Variants in MAGI2 observed in about 807,000 individuals in gnomAD.
The protein encoded by MAGI2 is membrane associated guanylate kinase, WW and PDZ domain containing 2, also known as membrane-associated guanylate kinase, WW and PDZ domain-containing protein 2.
Under a neutral mutation model 133.3 loss-of-function variants are expected in MAGI2, and 35 were observed. That is an observed-to-expected ratio of 0.26 (90% confidence interval 0.20 to 0.35). The LOEUF (loss-of-function observed/expected upper bound fraction) is 0.35. Among genes scored for constraint, MAGI2 ranks in the 10% least tolerant of loss-of-function variants. The pLI, the probability that MAGI2 is intolerant of heterozygous loss-of-function variation, is 1.00. For synonymous variants in MAGI2, 729 were observed against 710.6 expected (o/e 1.03, Z -0.41); for missense variants, 1,636 against 1,863.4 (o/e 0.88, Z 2.25).
At chr7:79,081,159 C>T (rs1199042454) in intron 1 of MAGI2, among the ~76,000 whole-genome samples, 1 of 152,114 alleles carries the variant, frequency 6.6e-6, no homozygotes. Flanking sequence ...ATGTATCAAT[C>T]TCCTTCTAAT....
rs1280151004 is a variant in MAGI2 at position 78,501,772 on chromosome 7, T to A, written c.770A>T (p.Glu257Val). 3 of 1,613,606 alleles carry A rather than the reference T, an allele frequency of 1.9e-6. No individual in the cohort carries two copies. Among genetic ancestry groups the A allele is most frequent in the Non-Finnish European group, 2.5e-6 (3 of 1,179,948 alleles). The change falls in exon 5 of 22, where the codon GAA (glutamate) becomes GTA (valine). Residue 257 changes from glutamate to valine, a missense_variant. Glu to Val is a moderately radical substitution (Grantham distance 121). This residue lies in a region of MAGI2 where 165 missense variants were observed against 128.4 expected (regional missense o/e 1.28). Transcript: ENST00000354212. ...CCCTGAGGCACCTGCACTTTTGTCT[T>A]CATGTTCACTGGATTCTATAAGAGA... ...VVVTPESSEH[E>V]DKSAGASGEM...
intron 21 of MAGI2, 135 bp downstream of exon 21, chr7:78,078,812 G>A (rs112512171): frequency 0.041 from 23,999 of 587,390 alleles, 488 homozygotes; most frequent in Non-Finnish European, 0.052. Flanking sequence ...GTGTGTGTGT[G>A]TATATATATA....
chr7:78,022,936 C>T (rs745802116), intron 21 of MAGI2, among the ~76,000 whole-genome samples: 12 of 152,268 alleles, frequency 7.9e-5, no homozygotes, highest in Admixed American at 3.9e-4. Flanking sequence ...CTAAAATGTT[C>T]CAAGTCACTA....
Position 78,113,408 on chromosome 7 carries a change from T to C in MAGI2, c.3567+12286A>G, listed in dbSNP as rs1819551013. On this transcript the variant is annotated intron_variant, in intron 20 of 21. Coordinates refer to ENST00000354212, the MANE Select transcript of MAGI2 (RefSeq NM_012301.4). ...TTAAAAGATGCTCTCCGTACCTCTG[T>C]GCTGAGTAGTGAGTACAGTCGTGCA... Among the ~76,000 whole-genome samples the C allele has an allele frequency of 2.0e-5, 3 of 152,184 alleles. No individual in the cohort carries two copies. The South Asian group carries it at 6.2e-4, about 31-fold the overall frequency.
intron 2 of MAGI2, among the ~76,000 whole-genome samples, chr7:78,877,212 T>G (rs1795497854): frequency 6.6e-6 from 1 of 152,246 alleles, no homozygotes; most frequent in African/African-American, 2.4e-5. Context: ...GTTTCTTCAT[T>G]GCTCCAAGCT....
intron 6 of MAGI2, among the ~76,000 whole-genome samples, chr7:78,380,611 G>C (rs1794835455): frequency 6.6e-6 from 1 of 152,066 alleles, no homozygotes; most frequent in South Asian, 2.1e-4. Context: ...GGGTAGCAGA[G>C]GAAGGGGGGA....
intron 1 of MAGI2, among the ~76,000 whole-genome samples, chr7:79,190,355 T>G (rs889673282): frequency 6.6e-6 from 1 of 151,902 alleles, no homozygotes; most frequent in African/African-American, 2.4e-5. Flanking sequence ...CATATCAACT[T>G]GTAATTTCCT....
rs1414752666 is a variant in MAGI2 at position 79,007,221 on chromosome 7, A to T, written c.302-15T>A. On this transcript the variant is annotated splice_polypyrimidine_tract_variant and intron_variant, in intron 1 of 21. Coordinates refer to ENST00000354212, the MANE Select transcript of MAGI2 (RefSeq NM_012301.4). ...AACAATTCCTCCTAAAAATAAAAAAAGTTTCTTGGTAAGGGATGTTGGAAA... is the reference window on the plus strand; with the variant it reads ...AACAATTCCTCCTAAAAATAAAAAATGTTTCTTGGTAAGGGATGTTGGAAA... The T allele has an allele frequency of 2.6e-6, 4 of 1,519,368 alleles. No individual in the cohort carries two copies. The highest frequency in any genetic ancestry group is 3.6e-6 in the Non-Finnish European group (4 of 1,102,416). 94.1% of individuals were successfully genotyped at this position (1,519,368 alleles called of 1,614,324 possible).
chr7:78,822,122 A>C (rs954381581), intron 2 of MAGI2, among the ~76,000 whole-genome samples: 2 of 152,094 alleles, frequency 1.3e-5, no homozygotes, highest in East Asian at 3.9e-4. Context: ...ACTGTATAAC[A>C]AAAGATTTAA....
intron 2 of MAGI2, among the ~76,000 whole-genome samples, chr7:78,941,384 T>G (rs912976990): frequency 6.6e-6 from 1 of 152,146 alleles, no homozygotes; most frequent in Non-Finnish European, 1.5e-5. Context: ...GAGTCTCAGT[T>G]TGTCACCCAG....
intron 1 of MAGI2, among the ~76,000 whole-genome samples, chr7:79,288,632 T>C (rs1025750893): frequency 1.3e-5 from 2 of 152,116 alleles, no homozygotes; most frequent in African/African-American, 4.8e-5. Context: ...CTGGTAACTA[T>C]CCGTAAGATT....
intron 1 of MAGI2, among the ~76,000 whole-genome samples, chr7:79,304,181 A>ATGTGTGTGTG (rs373644525): frequency 0.11 from 15,322 of 142,106 alleles, 1,148 homozygotes; most frequent in East Asian, 0.26. Context: ...TTCAACTGGG[A>ATGTGTGTGTG]TGTGTGTGTG....
intron 1 of MAGI2, among the ~76,000 whole-genome samples, chr7:79,328,785 C>T (rs1839873064): frequency 6.6e-6 from 1 of 152,116 alleles, no homozygotes; most frequent in Non-Finnish European, 1.5e-5. Flanking sequence ...TTTCTTCTCT[C>T]TCTCTCTATT....
intron 2 of MAGI2, among the ~76,000 whole-genome samples, chr7:78,979,512 C>T (rs1197077987): frequency 6.6e-6 from 1 of 151,818 alleles, no homozygotes; most frequent in Non-Finnish European, 1.5e-5. Flanking sequence ...TCTCCCTGAG[C>T]TGGGGGTTTC....
At chr7:78,804,124 A>C (rs1301119821) in intron 2 of MAGI2, among the ~76,000 whole-genome samples, 4 of 152,226 alleles carry the variant, frequency 2.6e-5, no homozygotes, top group African/African-American at 9.6e-5. Flanking sequence ...TATTAAATCC[A>C]TTATTTAGAT....
intron 9 of MAGI2, among the ~76,000 whole-genome samples, chr7:78,331,957 C>T (rs555631862): frequency 6.6e-5 from 10 of 152,208 alleles, no homozygotes; most frequent in Non-Finnish European, 1.2e-4. Flanking sequence ...GTAAAATCAT[C>T]ATGCATATCA....
chr7:79,362,799 T>C (rs1313660341), intron 1 of MAGI2, among the ~76,000 whole-genome samples: 5 of 152,010 alleles, frequency 3.3e-5, no homozygotes, highest in African/African-American at 1.2e-4. Context: ...GGGAAATATC[T>C]TGACTTGCTT....
At chr7:78,306,449 G>T (rs539494476) in intron 9 of MAGI2, among the ~76,000 whole-genome samples, 1 of 152,272 alleles carries the variant, frequency 6.6e-6, no homozygotes, top group Admixed American at 6.5e-5. Context: ...AGTTGACACT[G>T]GTTTGTTGTC....
chr7:78,425,469 C>T (rs1251640365), intron 6 of MAGI2, among the ~76,000 whole-genome samples: 2 of 152,134 alleles, frequency 1.3e-5, no homozygotes, highest in Non-Finnish European at 2.9e-5. Context: ...AATGTGTTTA[C>T]TTGAGGTCAC....
Sources: gnomAD v4.1 joint callset for allele counts (sites outside exome capture counted in the v4.1 genomes callset) on GRCh38, gnomAD v4.1.1 for gene constraint, gnomAD v4.1.1 regional missense constraint, MANE v1.5 for transcripts, NCBI Gene and HGNC (gene_info 2026-07-23, HGNC 2026-07-21) for gene names.